The following PREPL variants were observed in gnomAD, a reference collection of about 807,000 sequenced individuals.
PREPL encodes the protein prolyl endopeptidase-like.
A neutral mutation model predicts 70.6 loss-of-function variants in PREPL; 77 were observed. That is an observed-to-expected ratio of 1.09 (90% CI 0.91 to 1.32). The LOEUF (loss-of-function observed/expected upper bound fraction) is 1.32, where lower values mean the gene tolerates loss of function less well. PREPL is among the 40% of genes most tolerant of loss of function. The pLI is 0.00. For synonymous variants in PREPL, 315 were observed against 264.8 expected, an observed-to-expected ratio of 1.19 and a Z score of -1.84; for missense variants, 1,002 against 778.2, an observed-to-expected ratio of 1.29 and a Z score of -3.42.
In PREPL at chr2:44,317,675, A is replaced by G. The variant is rs1302747862; in HGVS notation, c.*3681T>C. 6.6e-6 allele frequency: 1 copy of G among 152,306 alleles called. No homozygotes were observed. Among genetic ancestry groups the G allele is most frequent in the African/African-American group, 2.4e-5 (1 of 41,382 alleles). 9.4% of individuals were successfully genotyped at this position (152,306 alleles called of 1,614,324 possible). On this transcript the variant is annotated 3_prime_UTR_variant, in exon 14 of 14. Coordinates refer to ENST00000409411, the MANE Select transcript of PREPL (RefSeq NM_001171613.2). ...AATAATTTTCAAAGAATTATTTTCA[A>G]AGAACACTAGACATAAAATATAACA...
intron 8 of PREPL, among the ~76,000 whole-genome samples, chr2:44,332,205 C>G (rs1674183535): frequency 1.3e-5 from 2 of 152,130 alleles, no homozygotes; most frequent in African/African-American, 2.4e-5. Context: ...CTCGGCCTCC[C>G]AAAGTGCTGG....
In PREPL at chr2:44,319,562, T is replaced by C. The variant is rs559558139; in HGVS notation, c.*1794A>G. ...GAAAGGTTAGAAGTACATCATCAAA[T>C]TATGTTTTATATAGCTGTAAAATAA... is the stretch of plus-strand genomic sequence containing the variant. On this transcript the variant is annotated 3_prime_UTR_variant, in exon 14 of 14. Transcript: ENST00000409411. 1 of 152,594 alleles carries C rather than the reference T, an allele frequency of 6.6e-6. No homozygotes were observed. Among genetic ancestry groups the C allele is most frequent in the Admixed American group, 6.5e-5 (1 of 15,318 alleles). The allele number at this position is 152,594 out of a possible 1,614,324, so 9.5% of individuals were successfully genotyped here. A position where few individuals can be genotyped will look rare whatever the true frequency, so the allele number is the denominator to read the frequency against.
intron 1 of PREPL, among the ~76,000 whole-genome samples, chr2:44,353,480 CG>C (rs1442447442): frequency 6.6e-6 from 1 of 151,334 alleles, no homozygotes; most frequent in African/African-American, 2.4e-5. Context: ...CCCAGCTACT[CG>C]GGGGGCCTTG....
rs894274103 is a variant in PREPL at position 44,339,310 on chromosome 2, A to C, written c.539T>G (p.Ile180Ser). The C allele has an allele frequency of 3.7e-6, 6 of 1,613,942 alleles. No homozygotes were observed. In the African/African-American group the frequency reaches 5.3e-5, roughly 14 times the overall value. Reference sequence around the variant, plus strand: ...CACTTCAGAAGTAGTCTTGTTCATAATATTTATGGTGAGGAAACGACTGTC... The same window carrying C: ...CACTTCAGAAGTAGTCTTGTTCATACTATTTATGGTGAGGAAACGACTGTC... ...TKDSRFLTINIMNKTTSEVWL... is the reference protein window; with the variant it reads ...TKDSRFLTINSMNKTTSEVWL... The change falls in exon 6 of 14, where the codon ATT (isoleucine) becomes AGT (serine). Residue 180 changes from isoleucine to serine, a missense_variant. Coordinates refer to ENST00000409411, the MANE Select transcript of PREPL (RefSeq NM_001171613.2).
intron 11 of PREPL, 104 bp downstream of exon 11, chr2:44,323,158 G>C: frequency 1.7e-6 from 2 of 1,172,858 alleles, no homozygotes; most frequent in Non-Finnish European, 2.4e-6. Flanking sequence ...ATCATAAGTA[G>C]AAACATCTCT....
In PREPL at chr2:44,321,432, A is replaced by T; in HGVS notation, c.1841T>A (p.Ile614Asn). Residue 614 changes from isoleucine (I) to asparagine (N), a missense_variant, in exon 14 of 14, where the codon ATT becomes AAT. Transcript: ENST00000409411. The part of the protein sequence containing the change: ...EDSHKKITAQ[I>N]KFLYEELGLD... ...TCCAAGTTCCTCGTACAGGAATTTA[A>T]TTTGGGCTGTAATCTAAAAGAAACA... 2 of 1,612,700 alleles carry T rather than the reference A, an allele frequency of 1.2e-6. No individual in the cohort carries two copies. The highest frequency in any genetic ancestry group is 1.7e-6 in the Non-Finnish European group (2 of 1,178,948).
In PREPL at chr2:44,323,128, G is replaced by T. The variant is rs533147139; in HGVS notation, c.1629+134C>A. ...TTAAACATGGAGCATGAGCAGAGAT[G>T]GTGCTGAAGATATTTGGGCATCATA... is the stretch of plus-strand genomic sequence containing the variant. On this transcript the variant is annotated intron_variant, in intron 11 of 13. Transcript: ENST00000409411. 386 of 897,254 alleles carry T rather than the reference G, an allele frequency of 4.3e-4. No individual in the cohort carries two copies. In the African/African-American group the frequency reaches 5.8e-3, roughly 13 times the overall value. 55.6% of individuals were successfully genotyped at this position (897,254 alleles called of 1,614,324 possible). A position where few individuals can be genotyped will look rare whatever the true frequency, so the allele number is the denominator to read the frequency against.
chr2:44,343,075 G>A (rs376013506), intron 4 of PREPL, among the ~76,000 whole-genome samples: 2 of 152,166 alleles, frequency 1.3e-5, no homozygotes, highest in Non-Finnish European at 2.9e-5. Context: ...GACAGTGATT[G>A]TAAGTCATCA....
rs747196378 is a variant in PREPL, at chr2:44,343,910, G to T, written c.184C>A (p.Leu62Ile). Reference protein sequence around the residue: ...NYEVLFNLEELKLDQPFIDCI... With the variant: ...NYEVLFNLEEIKLDQPFIDCI... ...TCAATGAAGGGCTGGTCTAACTTAA[G>T]TTCCTCCAAATTGAATAAAACTTCA... The change falls in exon 4 of 14, where the codon CTT (leucine) becomes ATT (isoleucine). Residue 62 changes from leucine (L) to isoleucine (I), a missense_variant. Transcript: ENST00000409411. The T allele has an allele frequency of 3.7e-6, 6 of 1,614,016 alleles. No homozygotes were observed. The highest frequency in any genetic ancestry group is 5.1e-6 in the Non-Finnish European group (6 of 1,179,950).
chr2:44,356,963 C>T (rs1179286494), intron 1 of PREPL, among the ~76,000 whole-genome samples: 1 of 152,220 alleles, frequency 6.6e-6, no homozygotes, highest in African/African-American at 2.4e-5. Flanking sequence ...CGCCACCATA[C>T]CCAGCTAATT....
At chr2:44,354,886 C>T (rs113283364) in intron 1 of PREPL, among the ~76,000 whole-genome samples, 33 of 152,112 alleles carry the variant, frequency 2.2e-4, no homozygotes, top group African/African-American at 6.8e-4. Flanking sequence ...CTTCTTCACC[C>T]TTAAGATCTG....
intron 6 of PREPL, 137 bp from the exon 7 acceptor site, chr2:44,338,673 G>C: frequency 1.4e-6 from 1 of 735,458 alleles, no homozygotes; most frequent in South Asian, 1.9e-5. Flanking sequence ...CGCTGCATCA[G>C]GGATAAAGTG....
chr2:44,360,494 T>G (rs934541401), intron 1 of PREPL: 3 of 152,198 alleles, frequency 2.0e-5, no homozygotes, highest in Non-Finnish European at 2.9e-5. Flanking sequence ...TATTTAGCGC[T>G]TTAATTAAAA....
Position 44,320,033 on chromosome 2 carries a change from T to C in PREPL, c.*1323A>G, listed in dbSNP as rs545363975. The C allele has an allele frequency of 8.1e-6, 5 of 620,018 alleles. No homozygotes were observed. In the South Asian group the frequency reaches 1.0e-4, roughly 12 times the overall value. 38.4% of individuals were successfully genotyped at this position (620,018 alleles called of 1,614,324 possible). A position where few individuals can be genotyped will look rare whatever the true frequency, so the allele number is the denominator to read the frequency against. On this transcript the variant is annotated 3_prime_UTR_variant, in exon 14 of 14. Transcript: ENST00000409411. Reference sequence around the variant, plus strand: ...CGAATTTGTCATTTCTATCAGTTTTTATATAAATTGTTCTTACCTACTTAT... The same window carrying C: ...CGAATTTGTCATTTCTATCAGTTTTCATATAAATTGTTCTTACCTACTTAT...
chr2:44,358,653 G>C (rs1259090867), intron 1 of PREPL, among the ~76,000 whole-genome samples: 1 of 152,112 alleles, frequency 6.6e-6, no homozygotes, highest in Non-Finnish European at 1.5e-5. Flanking sequence ...GTGTAGGCTG[G>C]AGCTGTGCCA....
At position 44,317,775 on chromosome 2, in the gene PREPL, A is replaced by G. The variant is rs17607721; in HGVS notation, c.*3581T>C. 1 of 152,976 alleles carries G rather than the reference A, an allele frequency of 6.5e-6. No homozygotes were observed. Among genetic ancestry groups the G allele is most frequent in the Non-Finnish European group, 1.5e-5 (1 of 68,608 alleles). 9.5% of individuals were successfully genotyped at this position (152,976 alleles called of 1,614,324 possible). A position where few individuals can be genotyped will look rare whatever the true frequency, so the allele number is the denominator to read the frequency against. On this transcript the variant is annotated 3_prime_UTR_variant, in exon 14 of 14. Coordinates refer to ENST00000409411, the MANE Select transcript of PREPL (RefSeq NM_001171613.2). ...CCAACAAAAAGCTTAATAGAAAAAA[A>G]CCCTAAACAATAGTATAACTACAAA... is the stretch of plus-strand genomic sequence containing the variant.
chr2:44,358,348 G>A (rs1049596796), intron 1 of PREPL, among the ~76,000 whole-genome samples: 13 of 151,912 alleles, frequency 8.6e-5, no homozygotes, highest in Admixed American at 2.0e-4. Flanking sequence ...GAAGAAAGGA[G>A]GAAGCCAAAA....
At chr2:44,360,996 G>A (rs1394621781) in intron 1 of PREPL, among the ~76,000 whole-genome samples, 1 of 152,118 alleles carries the variant, frequency 6.6e-6, no homozygotes, top group East Asian at 1.9e-4. Context: ...TTGGGGGTAG[G>A]GGAGCAACAC....
At chr2:44,324,667 C>A (rs1290326483) in intron 10 of PREPL, among the ~76,000 whole-genome samples, 2 of 152,128 alleles carry the variant, frequency 1.3e-5, no homozygotes, top group Non-Finnish European at 2.9e-5. Context: ...CACTTGAGCC[C>A]AGGAGTTTGA....
Sources: allele counts gnomAD v4.1 joint callset (sites outside exome capture counted in the v4.1 genomes callset), GRCh38; gene constraint gnomAD v4.1.1; transcripts MANE v1.5; gene names NCBI Gene and HGNC (gene_info 2026-07-23, HGNC 2026-07-21).